Variants in NPEPPS observed in about 807,000 individuals in gnomAD.
NPEPPS encodes the protein puromycin-sensitive aminopeptidase.
A neutral mutation model predicts 115.5 loss-of-function variants in NPEPPS; 14 were observed. The observed-to-expected ratio is 0.12, with a 90% CI of 0.08 to 0.19. The LOEUF (loss-of-function observed/expected upper bound fraction) is 0.19. Ranked by LOEUF, NPEPPS falls within the 10% of genes least tolerant of loss-of-function variation. The pLI, the probability that NPEPPS is intolerant of heterozygous loss-of-function variation, is 1.00. For missense variants in NPEPPS, 523 were observed against 1,110.8 expected (o/e 0.47, Z 7.52); for synonymous variants, 285 against 390.6 (o/e 0.73, Z 3.19).
rs772780746 is a variant in NPEPPS at position 47,618,391 on chromosome 17, C to T, written c.2337C>T (p.Ile779=). The T allele has an allele frequency of 6.8e-6, 11 of 1,613,728 alleles. No homozygotes were observed. Among genetic ancestry groups the T allele is most frequent in the Non-Finnish European group, 7.6e-6 (9 of 1,179,794 alleles). ...QADMQEEKNR[I]ERVLGATLLP... ...ATATGCAAGAAGAGAAAAACCGAAT[C>T]GAAAGAGTCCTTGGCGCTACTCTTT... The change falls in exon 20 of 23, where the codon ATC becomes ATT. Residue 779 remains isoleucine, a synonymous_variant. Coordinates refer to ENST00000322157, the MANE Select transcript of NPEPPS (RefSeq NM_006310.4).
intron 17 of NPEPPS, among the ~76,000 whole-genome samples, chr17:47,605,900 G>A (rs1004604647): frequency 1.1e-4 from 17 of 151,962 alleles, no homozygotes; most frequent in Middle Eastern, 3.4e-3. Flanking sequence ...TTTTTGAGAC[G>A]GAGTTTCATT....
intron 15 of NPEPPS, chr17:47,603,426 G>A (rs1195558264): frequency 6.6e-6 from 1 of 152,050 alleles, no homozygotes; most frequent in African/African-American, 2.4e-5. Context: ...AGAAAAAAAA[G>A]AATAATGCAG....
intron 19 of NPEPPS, among the ~76,000 whole-genome samples, chr17:47,615,140 C>T (rs1321632082): frequency 2.1e-5 from 3 of 144,270 alleles, no homozygotes; most frequent in East Asian, 4.2e-4. Flanking sequence ...TGTAGTGGCA[C>T]GATCTTGGCT....
At chr17:47,601,561 C>G (rs748823364) in intron 14 of NPEPPS, 47 bp from the exon 15 acceptor site, 1 of 1,609,742 alleles carries the variant, frequency 6.2e-7, no homozygotes, top group Non-Finnish European at 8.5e-7. Context: ...TCCACCTTAC[C>G]TTCTGTTTGT....
At chr17:47,570,675 T>C (rs1330756849) in intron 3 of NPEPPS, among the ~76,000 whole-genome samples, 2 of 152,212 alleles carry the variant, frequency 1.3e-5, no homozygotes, top group African/African-American at 2.4e-5. Context: ...TACTAAGACT[T>C]TGATGAATGA....
chr17:47,585,677 G>C lies in NPEPPS; in HGVS notation c.826G>C (p.Glu276Gln), dbSNP rs777887981. The change falls in exon 6 of 23, where the codon GAG becomes CAG. Residue 276 changes from glutamate (E) to glutamine (Q), a missense_variant. Glu to Gln is a conservative substitution (Grantham distance 29). Transcript: ENST00000322157. The part of the protein sequence containing the change: ...VRVYTPVGKA[E>Q]QGKFALEVAA... Reference sequence around the variant, plus strand: ...TGTTTACACTCCTGTTGGCAAAGCAGAGCAAGGAAAATTTGCGTTAGAGGT... The same window carrying C: ...TGTTTACACTCCTGTTGGCAAAGCACAGCAAGGAAAATTTGCGTTAGAGGT... 6.2e-7 allele frequency: 1 copy of C among 1,613,894 alleles called. No homozygotes were observed. The highest frequency in any genetic ancestry group is 8.5e-7 in the Non-Finnish European group (1 of 1,179,830).
intron 17 of NPEPPS, among the ~76,000 whole-genome samples, chr17:47,610,355 A>G (rs982114738): frequency 6.6e-6 from 1 of 151,782 alleles, no homozygotes; most frequent in African/African-American, 2.4e-5. Context: ...AGATTCATCT[A>G]TGTTGTAGCA....
intron 1 of NPEPPS, among the ~76,000 whole-genome samples, chr17:47,532,030 G>C (rs1907822149): frequency 6.6e-6 from 1 of 152,120 alleles, no homozygotes. Context: ...AGATTGGAGG[G>C]GGTGGTCATT....
At position 47,619,179 on chromosome 17, in the gene NPEPPS, T is replaced by C. The variant is rs1914386012; in HGVS notation, c.2559+15T>C. On this transcript the variant is annotated intron_variant, in intron 21 of 22. Coordinates refer to ENST00000322157, the MANE Select transcript of NPEPPS (RefSeq NM_006310.4). ...GACTAATAAAGGTATGTGAAAAACT[T>C]TGAGTAGCTTGCTAATCATGGATAT... 6.2e-7 allele frequency: 1 copy of C among 1,602,344 alleles called. No homozygotes were observed. The highest frequency in any genetic ancestry group is 1.1e-5 in the South Asian group (1 of 90,068).
intron 3 of NPEPPS, among the ~76,000 whole-genome samples, chr17:47,575,012 A>T (rs1835099487): frequency 6.6e-6 from 1 of 152,250 alleles, no homozygotes; most frequent in African/African-American, 2.4e-5. Flanking sequence ...CATAGCTGGG[A>T]TTTAAACCCA....
intron 3 of NPEPPS, among the ~76,000 whole-genome samples, chr17:47,576,312 G>GA (rs1208722532): frequency 6.6e-6 from 1 of 152,128 alleles, no homozygotes; most frequent in African/African-American, 2.4e-5. Flanking sequence ...GGTGACACAT[G>GA]GCGAAACCCT....
intron 2 of NPEPPS, among the ~76,000 whole-genome samples, chr17:47,568,662 T>G (rs1304289081): frequency 2.0e-5 from 3 of 151,834 alleles, no homozygotes; most frequent in East Asian, 3.9e-4. Flanking sequence ...ACAAATAATT[T>G]TTTTTTTTTT....
intron 15 of NPEPPS, among the ~76,000 whole-genome samples, chr17:47,602,843 C>A (rs1228441176): frequency 6.6e-6 from 1 of 151,768 alleles, no homozygotes; most frequent in East Asian, 1.9e-4. Flanking sequence ...AAAATATACT[C>A]ACTGGAATAT....
intron 1 of NPEPPS, among the ~76,000 whole-genome samples, chr17:47,544,501 CGT>C (rs1567838744): frequency 2.6e-4 from 36 of 137,222 alleles, no homozygotes; most frequent in African/African-American, 9.4e-4. Context: ...TGAAATTAAA[CGT>C]ATTTATTTAT....
At position 47,622,124 on chromosome 17, in the gene NPEPPS, TA is replaced by T; in HGVS notation, c.*207del. 2 of 1,271,474 alleles carry T rather than the reference TA, an allele frequency of 1.6e-6. No homozygotes were observed. Among genetic ancestry groups the T allele is most frequent in the Non-Finnish European group, 1.0e-6 (1 of 1,004,150 alleles). The allele number at this position is 1,271,474 out of a possible 1,614,324, so 78.8% of individuals were successfully genotyped here. A position where few individuals can be genotyped will look rare whatever the true frequency, so the allele number is the denominator to read the frequency against. ...GGAAAATCAGCAATTCAGCAAAAAA[TA>T]AATAAAAAATAAAAATGTAAATATG... On this transcript the variant is annotated 3_prime_UTR_variant, in exon 23 of 23. Transcript: ENST00000322157.
chr17:47,609,196 G>A (rs1213812752), intron 17 of NPEPPS, among the ~76,000 whole-genome samples: 1 of 152,160 alleles, frequency 6.6e-6, no homozygotes, highest in Non-Finnish European at 1.5e-5. Context: ...AGGGCTTATT[G>A]CTATAGTGAC....
chr17:47,529,918 TTTTATTTATTTATTTA>T (rs200538359), upstream of NPEPPS, among the ~76,000 whole-genome samples: 2 of 58,368 alleles, frequency 3.4e-5, no homozygotes, highest in African/African-American at 8.7e-5. Flanking sequence ...AAACATCCCA[TTTTATTTATTTATTTA>T]TTTATTTATT....
chr17:47,586,707 A>G (rs1186972232), intron 8 of NPEPPS: 9 of 504,690 alleles, frequency 1.8e-5, no homozygotes, highest in Admixed American at 1.6e-4. Context: ...CCCTAATTTC[A>G]TATCTTCTAG....
intron 3 of NPEPPS, among the ~76,000 whole-genome samples, chr17:47,572,026 A>G (rs1267064087): frequency 7.7e-6 from 1 of 129,362 alleles, no homozygotes; most frequent in African/African-American, 2.6e-5. Context: ...TCTTTCCAGG[A>G]CTAGTAGTGA....
Sources: gnomAD v4.1 joint callset for allele counts (sites outside exome capture counted in the v4.1 genomes callset) on GRCh38, gnomAD v4.1.1 for gene constraint, MANE v1.5 for transcripts, NCBI Gene and HGNC (gene_info 2026-07-23, HGNC 2026-07-21) for gene names.